Variants in SRBD1 observed in about 807,000 individuals in gnomAD.
The protein encoded by SRBD1 is S1 RNA-binding domain-containing protein 1.
A neutral mutation model predicts 115.3 loss-of-function variants in SRBD1; 88 were observed. That is an observed-to-expected ratio of 0.76 (90% confidence interval 0.64 to 0.91). SRBD1 has a LOEUF of 0.91. SRBD1 is among the 40% of genes least tolerant of loss of function. The pLI, the probability that SRBD1 is intolerant of heterozygous loss-of-function variation, is 0.00. For synonymous variants in SRBD1, 509 were observed against 407.7 expected, an observed-to-expected ratio of 1.25 and a Z score of -2.99; for missense variants, 1,385 against 1,177.4, an observed-to-expected ratio of 1.18 and a Z score of -2.58.
intron 14 of SRBD1, among the ~76,000 whole-genome samples, chr2:45,507,058 A>G (rs566306515): frequency 6.6e-6 from 1 of 152,328 alleles, no homozygotes; most frequent in Admixed American, 6.5e-5. Flanking sequence ...TGTTTGGCGT[A>G]TAGTAAAGAA....
intron 15 of SRBD1, among the ~76,000 whole-genome samples, chr2:45,478,632 T>C (rs1356952891): frequency 6.6e-6 from 1 of 152,224 alleles, no homozygotes; most frequent in Non-Finnish European, 1.5e-5. Flanking sequence ...AATAACCACA[T>C]TTATAATTAC....
At chr2:45,540,766 T>A (rs114640480) in intron 14 of SRBD1, among the ~76,000 whole-genome samples, 118 of 152,306 alleles carry the variant, frequency 7.7e-4, no homozygotes, top group African/African-American at 2.8e-3. Flanking sequence ...CAAATGAAGA[T>A]GCTCATGATC....
chr2:45,591,152 G>C (rs561458232), intron 4 of SRBD1, among the ~76,000 whole-genome samples: 1 of 152,326 alleles, frequency 6.6e-6, no homozygotes, highest in Admixed American at 6.5e-5. Context: ...TGCTCCTGGG[G>C]ATAACATTCC....
intron 16 of SRBD1, among the ~76,000 whole-genome samples, chr2:45,427,796 A>G (rs777427016): frequency 6.6e-6 from 1 of 152,178 alleles, no homozygotes; most frequent in South Asian, 2.1e-4. Flanking sequence ...TCTGGGATGC[A>G]AGCCTGGTTC....
At chr2:45,601,805 G>C in intron 3 of SRBD1, 98 bp downstream of exon 3, 2 of 1,480,832 alleles carry the variant, frequency 1.4e-6, no homozygotes, top group Non-Finnish European at 1.8e-6. Context: ...GGCAGTTTTT[G>C]TCATTTACAT....
intron 18 of SRBD1, among the ~76,000 whole-genome samples, chr2:45,414,815 T>TAGTGTGTATATAGTATGTACACACACAC (rs1558563629): frequency 8.6e-4 from 25 of 28,984 alleles, no homozygotes; most frequent in Admixed American, 2.3e-3. Flanking sequence ...TACACACACA[T>TAGTGTGTATATAGTATGTACACACACAC]ATAGTGTGTA....
At chr2:45,486,891 T>C (rs1036116000) in intron 15 of SRBD1, among the ~76,000 whole-genome samples, 1 of 152,202 alleles carries the variant, frequency 6.6e-6, no homozygotes, top group South Asian at 2.1e-4. Flanking sequence ...AAAATTACTA[T>C]TAGCAGCTCC....
At chr2:45,426,099 G>A (rs1668145995) in intron 16 of SRBD1, among the ~76,000 whole-genome samples, 1 of 152,330 alleles carries the variant, frequency 6.6e-6, no homozygotes, top group Non-Finnish European at 1.5e-5. Context: ...AGATCCACTG[G>A]ATTGAAATTC....
At chr2:45,601,220 G>C (rs1674081406) in intron 3 of SRBD1, among the ~76,000 whole-genome samples, 2 of 152,162 alleles carry the variant, frequency 1.3e-5, no homozygotes, top group African/African-American at 4.8e-5. Context: ...CAAACGAATG[G>C]ATTTATCTCA....
At chr2:45,450,639 A>G (rs149594207) in intron 16 of SRBD1, among the ~76,000 whole-genome samples, 25 of 152,298 alleles carry the variant, frequency 1.6e-4, no homozygotes, top group African/African-American at 5.8e-4. Flanking sequence ...CGTCAATTAA[A>G]GCAATTACAG....
chr2:45,517,939 T>C (rs1671170675), intron 14 of SRBD1, among the ~76,000 whole-genome samples: 1 of 152,070 alleles, frequency 6.6e-6, no homozygotes, highest in Non-Finnish European at 1.5e-5. Context: ...AGGTTGAGAC[T>C]GCAATGAGCC....
At chr2:45,486,466 G>A (rs185884984) in intron 15 of SRBD1, among the ~76,000 whole-genome samples, 98 of 152,164 alleles carry the variant, frequency 6.4e-4, no homozygotes, top group African/African-American at 2.1e-3. Context: ...GGTGGCTCAC[G>A]CCTGTAATCC....
rs760560027 is a variant in SRBD1 at position 45,601,982 on chromosome 2, G to C, written c.182C>G (p.Pro61Arg). The change falls in exon 3 of 21, where the codon CCA (proline) becomes CGA (arginine). Residue 61 changes from proline to arginine, a missense_variant. Transcript: ENST00000263736. ...RKQPPPKESK[P>R]KRMPRVKKNA... ...CTTCTTCACCCGAGGCATCCTCTTT[G>C]GTTTGGATTCCTTGGGAGGGGGCTG... 5.0e-6 allele frequency: 8 copies of C among 1,614,034 alleles called. No individual in the cohort carries two copies. Among genetic ancestry groups the C allele is most frequent in the Non-Finnish European group, 6.8e-6 (8 of 1,180,012 alleles).
chr2:45,406,616 C>T (rs78758866), intron 19 of SRBD1, among the ~76,000 whole-genome samples: 1,700 of 152,262 alleles, frequency 0.011, 30 homozygotes, highest in African/African-American at 0.031. Context: ...ACAGCAAACA[C>T]ATGCCTCATA....
chr2:45,587,404 G>A (rs1386981141), intron 4 of SRBD1, among the ~76,000 whole-genome samples: 1 of 151,596 alleles, frequency 6.6e-6, no homozygotes, highest in African/African-American at 2.4e-5. Flanking sequence ...AAGTCAGCCC[G>A]GAAAAGAGAA....
intron 14 of SRBD1, among the ~76,000 whole-genome samples, chr2:45,495,501 G>A (rs147040440): frequency 2.7e-3 from 407 of 151,952 alleles, no homozygotes; most frequent in Non-Finnish European, 4.0e-3. Flanking sequence ...CTCTCTCCCC[G>A]CATTCTGCTT....
chr2:45,427,076 C>T (rs1310775117), intron 16 of SRBD1, among the ~76,000 whole-genome samples: 4 of 152,078 alleles, frequency 2.6e-5, no homozygotes, highest in Admixed American at 6.6e-5. Flanking sequence ...CATGTTCTAA[C>T]CCAATACAAG....
At position 45,553,676 on chromosome 2, in the gene SRBD1, T is replaced by C. The variant is rs773147914; in HGVS notation, c.1464A>G (p.Ser488=). Residue 488 remains serine, a synonymous_variant, in exon 11 of 21, where the codon TCA becomes TCG. Coordinates refer to ENST00000263736, the MANE Select transcript of SRBD1 (RefSeq NM_018079.5). Reference sequence around the variant, plus strand: ...TAAGGCGTTTAAAGGAATCATTCAGTGAATTATATAAGATCTTCATTAACT... The same window carrying C: ...TAAGGCGTTTAAAGGAATCATTCAGCGAATTATATAAGATCTTCATTAACT... ...RPELMKILYN[S]LNDSFKRLIY... 6.2e-7 allele frequency: 1 copy of C among 1,608,408 alleles called. No homozygotes were observed. Among genetic ancestry groups the C allele is most frequent in the South Asian group, 1.1e-5 (1 of 89,890 alleles).
intron 16 of SRBD1, among the ~76,000 whole-genome samples, chr2:45,445,499 C>A (rs1440247151): frequency 8.0e-6 from 1 of 124,902 alleles, no homozygotes; most frequent in Non-Finnish European, 1.6e-5. Context: ...CACAATGAGG[C>A]AAGTTTCTCT....
Sources: gnomAD v4.1 joint callset for allele counts (sites outside exome capture counted in the v4.1 genomes callset) on GRCh38, gnomAD v4.1.1 for gene constraint, MANE v1.5 for transcripts, NCBI Gene and HGNC (gene_info 2026-07-23, HGNC 2026-07-21) for gene names.